Variants in PTPRD observed in about 807,000 individuals in gnomAD.
PTPRD encodes the protein receptor-type tyrosine-protein phosphatase delta.
PTPRD carries 34 observed loss-of-function variants against 214.5 expected under a neutral mutation model. That is an observed-to-expected ratio of 0.16 (90% CI 0.12 to 0.21). PTPRD has a LOEUF of 0.21. PTPRD is among the 10% of genes least tolerant of loss of function. The pLI, the probability that PTPRD is intolerant of heterozygous loss-of-function variation, is 1.00. For synonymous variants in PTPRD, 1,128 were observed against 845.7 expected, an observed-to-expected ratio of 1.33 and a Z score of -5.79; for missense variants, 2,545 against 2,398.7, an observed-to-expected ratio of 1.06 and a Z score of -1.27.
chr9:10,535,583 G>A (rs946906369), intron 2 of PTPRD, among the ~76,000 whole-genome samples: 5 of 152,020 alleles, frequency 3.3e-5, no homozygotes, highest in African/African-American at 1.2e-4. Flanking sequence ...AGTCACCACA[G>A]CAAGAGTTTT....
chr9:9,896,784 T>C (rs1317216282), intron 5 of PTPRD, among the ~76,000 whole-genome samples: 1 of 152,064 alleles, frequency 6.6e-6, no homozygotes, highest in Non-Finnish European at 1.5e-5. Context: ...TTTTCAAATA[T>C]AAATATAATG....
At chr9:8,758,669 A>T (rs1247397760) in intron 11 of PTPRD, among the ~76,000 whole-genome samples, 1 of 152,190 alleles carries the variant, frequency 6.6e-6, no homozygotes, top group Non-Finnish European at 1.5e-5. Context: ...GTCAATATTT[A>T]TGGAGCTCAT....
intron 11 of PTPRD, among the ~76,000 whole-genome samples, chr9:8,753,238 C>T (rs960267624): frequency 1.3e-5 from 2 of 152,186 alleles, no homozygotes; most frequent in Admixed American, 6.5e-5. Flanking sequence ...CCTAAAATGT[C>T]CTTAACCACT....
chr9:10,091,394 C>T (rs1011526233), intron 3 of PTPRD, among the ~76,000 whole-genome samples: 2 of 151,472 alleles, frequency 1.3e-5, no homozygotes, highest in Admixed American at 6.6e-5. Context: ...CATTACTGAA[C>T]TATCCAGTAC....
Position 10,511,944 on chromosome 9 carries a change from ATACGTG to A in PTPRD, c.-600+100448_-600+100453del, listed in dbSNP as rs1380590708. 7.6e-3 allele frequency among the ~76,000 whole-genome samples: 451 copies of A among 59,240 alleles called. 14 individuals carry two copies. The highest frequency in any genetic ancestry group is 0.023 in the African/African-American group (426 of 18,638). The allele number at this position is 59,240 out of a possible 152,430, so 38.9% of individuals were successfully genotyped here. Reference sequence around the variant, plus strand: ...TATATATATATACGTGTATATATATATACGTGTGTGTATATATATATACGTGTGTGT... The same window carrying A: ...TATATATATATACGTGTATATATATATGTGTATATATATATACGTGTGTGT... On this transcript the variant is annotated intron_variant, in intron 2 of 45. Coordinates refer to ENST00000381196, the MANE Select transcript of PTPRD (RefSeq NM_002839.4).
At chr9:8,494,037 C>T (rs1036729751) in intron 26 of PTPRD, among the ~76,000 whole-genome samples, 2 of 150,770 alleles carry the variant, frequency 1.3e-5, no homozygotes, top group Admixed American at 6.6e-5. Context: ...CACACACACA[C>T]ACAGCAATAT....
At chr9:10,242,403 C>CA (rs1443227226) in intron 3 of PTPRD, among the ~76,000 whole-genome samples, 1 of 151,934 alleles carries the variant, frequency 6.6e-6, no homozygotes, top group Non-Finnish European at 1.5e-5. Context: ...CGCCAAAACT[C>CA]ATTTTAAACA....
chr9:10,463,107 A>G (rs2098970113), intron 2 of PTPRD, among the ~76,000 whole-genome samples: 1 of 151,876 alleles, frequency 6.6e-6, no homozygotes, highest in Non-Finnish European at 1.5e-5. Flanking sequence ...AATGCCTACT[A>G]TATGTTGAGT....
At chr9:10,562,323 C>T (rs1364362771) in intron 2 of PTPRD, among the ~76,000 whole-genome samples, 1 of 146,498 alleles carries the variant, frequency 6.8e-6, no homozygotes, top group Non-Finnish European at 1.5e-5. Flanking sequence ...ATGAAATGTT[C>T]GTTAACTTTT....
chr9:9,773,040 G>T (rs1484449582), intron 5 of PTPRD, among the ~76,000 whole-genome samples: 1 of 152,086 alleles, frequency 6.6e-6, no homozygotes, highest in Non-Finnish European at 1.5e-5. Context: ...AGGAAATATT[G>T]TGCTTTTATT....
intron 7 of PTPRD, among the ~76,000 whole-genome samples, chr9:9,604,995 A>C (rs1304385965): frequency 6.6e-6 from 1 of 152,056 alleles, no homozygotes; most frequent in East Asian, 1.9e-4. Context: ...CTTATTCTCA[A>C]CTGTGAAATA....
rs2154523069 is a variant in PTPRD, at chr9:8,812,181, T to C, written c.-103-78235A>G. On this transcript the variant is annotated intron_variant, in intron 11 of 45. Transcript: ENST00000381196. The stretch of plus-strand genomic sequence containing the variant: ...AAGATCCCCAACAGACTTCCATTCT[T>C]TAAAAAAGTGAAGGAAGGTCTTCTG... Among the ~76,000 whole-genome samples, 2 of 152,302 alleles carry C rather than the reference T, an allele frequency of 1.3e-5. 1 individual carries two copies. Among genetic ancestry groups the C allele is most frequent in the East Asian group, 3.9e-4 (2 of 5,178 alleles).
chr9:10,395,865 G>A (rs1053512365), intron 2 of PTPRD, among the ~76,000 whole-genome samples: 1 of 151,764 alleles, frequency 6.6e-6, no homozygotes, highest in Admixed American at 6.6e-5. Context: ...TGAATTGTTT[G>A]TTCCTAGAGA....
At chr9:8,559,031 A>G (rs2085104059) in intron 14 of PTPRD, among the ~76,000 whole-genome samples, 1 of 151,996 alleles carries the variant, frequency 6.6e-6, no homozygotes, top group Non-Finnish European at 1.5e-5. Flanking sequence ...TACATAGTCT[A>G]ATAGCTAACT....
intron 7 of PTPRD, among the ~76,000 whole-genome samples, chr9:9,631,225 A>AT (rs1481400412): frequency 2.5e-4 from 37 of 148,422 alleles, no homozygotes; most frequent in African/African-American, 8.8e-4. Context: ...AAATAAATAA[A>AT]AAGAAAAAGA....
intron 14 of PTPRD, among the ~76,000 whole-genome samples, chr9:8,621,976 T>C (rs1470208055): frequency 1.3e-5 from 2 of 151,888 alleles, no homozygotes; most frequent in Non-Finnish European, 2.9e-5. Context: ...TAAATAAATA[T>C]TTTATTACAA....
intron 8 of PTPRD, among the ~76,000 whole-genome samples, chr9:9,403,421 T>C (rs12377396): frequency 5.3e-5 from 8 of 149,674 alleles, no homozygotes; most frequent in South Asian, 2.1e-4. Context: ...CTCTCTCTCT[T>C]TCTCTCTCTC....
chr9:10,414,452 G>C (rs1199594381), intron 2 of PTPRD, among the ~76,000 whole-genome samples: 1 of 151,898 alleles, frequency 6.6e-6, no homozygotes, highest in Non-Finnish European at 1.5e-5. Flanking sequence ...ATGCTGGCAA[G>C]ATCATGCAGA....
chr9:9,656,647 A>G (rs1471100673), intron 7 of PTPRD, among the ~76,000 whole-genome samples: 2 of 152,150 alleles, frequency 1.3e-5, no homozygotes, highest in Non-Finnish European at 2.9e-5. Context: ...TAGAACATGG[A>G]GGATTTTTAG....
Sources: gnomAD v4.1 joint callset for allele counts (sites outside exome capture counted in the v4.1 genomes callset) on GRCh38, gnomAD v4.1.1 for gene constraint, MANE v1.5 for transcripts, NCBI Gene and HGNC (gene_info 2026-07-23, HGNC 2026-07-21) for gene names.